The following RAD51B variants were observed in gnomAD, a reference collection of about 807,000 sequenced individuals.
RAD51B encodes RAD51 paralog B, also known as DNA repair protein RAD51 homolog 2.
In RAD51B, 38 loss-of-function variants were observed where a neutral mutation model predicts 42.2. The observed-to-expected ratio is 0.90, with a 90% confidence interval of 0.70 to 1.18. The LOEUF (loss-of-function observed/expected upper bound fraction) is 1.18. RAD51B is among the 50% of genes most tolerant of loss of function. The pLI is 0.00. For synonymous variants in RAD51B, 154 were observed against 145.2 expected (o/e 1.06, Z -0.43); for missense variants, 373 against 400.7 (o/e 0.93, Z 0.59).
At chr14:68,142,511 T>C (rs2078149349) in intron 7 of RAD51B, among the ~76,000 whole-genome samples, 1 of 152,220 alleles carries the variant, frequency 6.6e-6, no homozygotes, top group African/African-American at 2.4e-5. Context: ...TTAAATTTGT[T>C]CCTTGAGTTA....
At chr14:68,284,707 C>A (rs1021111917) in intron 7 of RAD51B, among the ~76,000 whole-genome samples, 1 of 151,668 alleles carries the variant, frequency 6.6e-6, no homozygotes, top group Admixed American at 6.6e-5. Flanking sequence ...TATTCTAGAA[C>A]TGACAGTTGA....
chr14:68,053,795 G>A (rs2076431656), intron 7 of RAD51B, among the ~76,000 whole-genome samples: 1 of 152,062 alleles, frequency 6.6e-6, no homozygotes. Context: ...GATTCCTCAC[G>A]TTACTTGAAA....
At chr14:68,379,747 T>A (rs1453759756) in intron 8 of RAD51B, among the ~76,000 whole-genome samples, 2 of 152,214 alleles carry the variant, frequency 1.3e-5, no homozygotes, top group African/African-American at 4.8e-5. Context: ...TTGGCTACTT[T>A]CCCTCTACTT....
At chr14:68,141,911 A>C (rs1451764694) in intron 7 of RAD51B, among the ~76,000 whole-genome samples, 9 of 152,084 alleles carry the variant, frequency 5.9e-5, no homozygotes, top group Non-Finnish European at 2.9e-5. Flanking sequence ...AGCCCCTCCC[A>C]TGTGCTTTCA....
chr14:68,028,899 C>T lies in RAD51B; in HGVS notation c.756+141695C>T, dbSNP rs115620329. The stretch of plus-strand genomic sequence containing the variant: ...GGCTGTGCTCTGCTGGCCTCTCCCA[C>T]GCACAGAGGTCCTTGGCTCCATGCT... On this transcript the variant is annotated intron_variant, in intron 7 of 10. Coordinates refer to ENST00000471583, the MANE Select transcript of RAD51B (RefSeq NM_133510.4). 8.1e-3 allele frequency among the ~76,000 whole-genome samples: 1,234 copies of T among 152,318 alleles called. 15 individuals carry two copies. The highest frequency in any genetic ancestry group is 0.028 in the African/African-American group (1,150 of 41,558).
At chr14:68,082,108 A>C (rs978555052) in intron 7 of RAD51B, among the ~76,000 whole-genome samples, 1 of 151,900 alleles carries the variant, frequency 6.6e-6, no homozygotes, top group Non-Finnish European at 1.5e-5. Flanking sequence ...CTACAAGTGC[A>C]TGCCACCATA....
Position 68,379,906 on chromosome 14 carries a change from C to T in RAD51B, c.854-31518C>T, listed in dbSNP as rs78166300. Among the ~76,000 whole-genome samples, 21 of 152,340 alleles carry T rather than the reference C, an allele frequency of 1.4e-4. No individual in the cohort carries two copies. The East Asian group carries it at 3.9e-3, about 28-fold the overall frequency. On this transcript the variant is annotated intron_variant, in intron 8 of 10. Coordinates refer to ENST00000471583, the MANE Select transcript of RAD51B (RefSeq NM_133510.4). ...ACAAAGGGATCCACTCACCCTCTTCCGCTGTTGGCGGCTGCTGTGGTATCT... is the reference window on the plus strand; with the variant it reads ...ACAAAGGGATCCACTCACCCTCTTCTGCTGTTGGCGGCTGCTGTGGTATCT...
intron 10 of RAD51B, among the ~76,000 whole-genome samples, chr14:68,550,056 C>A (rs534405532): frequency 1.8e-4 from 28 of 152,334 alleles, no homozygotes; most frequent in Middle Eastern, 3.4e-3. Flanking sequence ...GAGGGAGCAA[C>A]ATGGAGAGAC....
chr14:67,876,281 TTAAC>T (rs1269982110), intron 5 of RAD51B, among the ~76,000 whole-genome samples: 3 of 152,226 alleles, frequency 2.0e-5, no homozygotes, highest in Non-Finnish European at 2.9e-5. Flanking sequence ...ATGCTACATT[TTAAC>T]TAAGATTTTG....
At chr14:68,333,717 A>G (rs1171107197) in intron 8 of RAD51B, among the ~76,000 whole-genome samples, 3 of 152,242 alleles carry the variant, frequency 2.0e-5, no homozygotes, top group Non-Finnish European at 4.4e-5. Context: ...GTACACATAC[A>G]TTGTAGAATG....
chr14:67,991,532 G>A (rs931902768), intron 7 of RAD51B, among the ~76,000 whole-genome samples: 1 of 152,160 alleles, frequency 6.6e-6, no homozygotes, highest in Non-Finnish European at 1.5e-5. Flanking sequence ...ATACGGTTAT[G>A]TTGTTATGCA....
At chr14:68,141,707 A>G (rs2140728513) in intron 7 of RAD51B, among the ~76,000 whole-genome samples, 2 of 152,348 alleles carry the variant, frequency 1.3e-5, no homozygotes, top group South Asian at 4.1e-4. Flanking sequence ...CACAACAATG[A>G]TGATGTCATT....
chr14:67,839,380 T>C (rs1211230944), intron 4 of RAD51B, among the ~76,000 whole-genome samples: 1 of 152,150 alleles, frequency 6.6e-6, no homozygotes, highest in Non-Finnish European at 1.5e-5. Context: ...ACTCAGATTT[T>C]CTATTTCTTC....
At chr14:68,105,234 G>A (rs976799400) in intron 7 of RAD51B, among the ~76,000 whole-genome samples, 1 of 151,514 alleles carries the variant, frequency 6.6e-6, no homozygotes, top group Non-Finnish European at 1.5e-5. Context: ...GAATAGCTTC[G>A]GACAATTTAC....
intron 7 of RAD51B, among the ~76,000 whole-genome samples, chr14:67,901,397 C>T (rs1338699854): frequency 2.0e-5 from 3 of 152,104 alleles, no homozygotes; most frequent in East Asian, 3.9e-4. Flanking sequence ...AGTTCTTAAT[C>T]ATATTTCTTC....
At position 68,422,635 on chromosome 14, in the gene RAD51B, G is replaced by A. The variant is rs141970024; in HGVS notation, c.957+11108G>A. Among the ~76,000 whole-genome samples, 358 of 151,984 alleles carry A rather than the reference G, an allele frequency of 2.4e-3. 3 individuals are homozygous for A. Among genetic ancestry groups the A allele is most frequent in the Admixed American group, 3.7e-3 (56 of 15,264 alleles). ...GGTTTACATTGTGGAGGTTTGAGGAGAAATGAATCAAATAAGTCTCTAGCA... is the reference window on the plus strand; with the variant it reads ...GGTTTACATTGTGGAGGTTTGAGGAAAAATGAATCAAATAAGTCTCTAGCA... On this transcript the variant is annotated intron_variant, in intron 9 of 10. Transcript: ENST00000471583.
intron 7 of RAD51B, among the ~76,000 whole-genome samples, chr14:68,181,373 C>T (rs773568965): frequency 6.6e-6 from 1 of 152,230 alleles, no homozygotes; most frequent in Non-Finnish European, 1.5e-5. Context: ...CCAGGGCTCA[C>T]TAATGCACCC....
At chr14:68,295,287 A>G (rs1376056130) in intron 8 of RAD51B, among the ~76,000 whole-genome samples, 2 of 152,178 alleles carry the variant, frequency 1.3e-5, no homozygotes, top group African/African-American at 2.4e-5. Flanking sequence ...CATGATGTCA[A>G]GCAGTGAACA....
At chr14:68,102,752 TC>T (rs1343106646) in intron 7 of RAD51B, among the ~76,000 whole-genome samples, 1 of 152,180 alleles carries the variant, frequency 6.6e-6, no homozygotes, top group Non-Finnish European at 1.5e-5. Context: ...CAAAGTTGCT[TC>T]CACATTCTTG....
Sources: gnomAD v4.1 joint callset for allele counts (sites outside exome capture counted in the v4.1 genomes callset) on GRCh38, gnomAD v4.1.1 for gene constraint, MANE v1.5 for transcripts, NCBI Gene and HGNC (gene_info 2026-07-23, HGNC 2026-07-21) for gene names.